RBM10: variants seen among roughly 807,000 people sequenced by gnomAD.
RBM10 encodes RNA-binding protein 10.
Under a neutral mutation model 84.9 loss-of-function variants are expected in RBM10, and 1 was observed. That is an observed-to-expected ratio of 0.01 (90% CI 0.00 to 0.06). The LOEUF is 0.06. Ranked by LOEUF, RBM10 falls within the 10% of genes least tolerant of loss-of-function variation. The pLI, the probability that RBM10 is intolerant of heterozygous loss-of-function variation, is 1.00. For synonymous variants in RBM10, 326 were observed against 344.5 expected, an observed-to-expected ratio of 0.95 and a Z score of 0.60; for missense variants, 438 against 839.0, an observed-to-expected ratio of 0.52 and a Z score of 5.90.
intron 2 of RBM10, among the ~76,000 whole-genome samples, chrX:47,155,792 T>C (rs1261259188): frequency 9.5e-6 from 1 of 105,183 alleles, no homozygotes; most frequent in African/African-American, 3.5e-5. Context: ...CACTAGATTC[T>C]TTTTTTTTCT....
intron 8 of RBM10, 54 bp from the exon 9 acceptor site, chrX:47,179,264 AC>A: frequency 1.7e-6 from 2 of 1,184,574 alleles, no homozygotes; most frequent in Non-Finnish European, 2.3e-6. Flanking sequence ...GAGGAGGGTG[AC>A]CAGTCGTGGA....
At chrX:47,159,790 G>A (rs782640395) in intron 2 of RBM10, among the ~76,000 whole-genome samples, 4 of 111,669 alleles carry the variant, frequency 3.6e-5, no homozygotes, top group Admixed American at 1.9e-4. Context: ...GAATGAAACC[G>A]GACCCTTACC....
At chrX:47,162,958 G>A (rs1319102421) in intron 2 of RBM10, among the ~76,000 whole-genome samples, 1 of 109,224 alleles carries the variant, frequency 9.2e-6, no homozygotes, top group Admixed American at 9.9e-5. Context: ...GGTGATCATG[G>A]TTAACATCAC....
rs782166769 is a variant in RBM10, at chrX:47,175,044, C to T, written c.528C>T (p.Val176=). The T allele has an allele frequency of 8.3e-7, 1 of 1,210,932 alleles. No individual in the cohort carries two copies. The highest frequency in any genetic ancestry group is 1.1e-6 in the Non-Finnish European group (1 of 895,135). The change falls in exon 6 of 24, where the codon GTC becomes GTT. Residue 176 remains valine, a synonymous_variant. Coordinates refer to ENST00000377604, the MANE Select transcript of RBM10 (RefSeq NM_005676.5). The stretch of plus-strand genomic sequence containing the variant: ...GTCAGAGCCGGGGCTTCGCCTTCGT[C>T]GAGTTTAGTCACTTGCAGGACGCTA... ...SSGQSRGFAF[V]EFSHLQDATR... is the part of the protein sequence containing the mutation.
intron 6 of RBM10, 43 bp downstream of exon 6, chrX:47,175,135 T>C (rs2147151214): frequency 1.1e-6 from 1 of 932,575 alleles, no homozygotes. Flanking sequence ...CAAATACTAC[T>C]TTGTAATCGA....
intron 1 of RBM10, among the ~76,000 whole-genome samples, chrX:47,146,410 C>T (rs1294142430): frequency 9.0e-6 from 1 of 111,672 alleles, no homozygotes; most frequent in African/African-American, 3.3e-5. Context: ...TGTGTGTGCA[C>T]GAGCATAGAG....
At chrX:47,166,164 T>A (rs782145037) in intron 2 of RBM10, among the ~76,000 whole-genome samples, 1 of 112,323 alleles carries the variant, frequency 8.9e-6, no homozygotes, top group South Asian at 3.7e-4. Flanking sequence ...CTCAGCACTT[T>A]GGGAGGCTGA....
intron 16 of RBM10, 27 bp from the exon 17 acceptor site, chrX:47,182,135 A>C (rs1403093494): frequency 8.3e-7 from 1 of 1,209,210 alleles, no homozygotes; most frequent in East Asian, 3.0e-5. Flanking sequence ...CTTCCCTCAC[A>C]TCCCCTCTTC....
rs781963112 is a variant in RBM10, at chrX:47,182,296, G to A, written c.1920G>A (p.Lys640=). Residue 640 remains lysine, a synonymous_variant, in exon 17 of 24, where the codon AAG becomes AAA. Coordinates refer to ENST00000377604, the MANE Select transcript of RBM10 (RefSeq NM_005676.5). ...CCTCGAAGGAGGGCAAAGAGAAGAAGGAGAAGCACAAGACCAAGACAGCTC... is the reference window on the plus strand; with the variant it reads ...CCTCGAAGGAGGGCAAAGAGAAGAAAGAGAAGCACAAGACCAAGACAGCTC... ...GAPSKEGKEK[K]EKHKTKTAQQ... is the part of the protein sequence containing the mutation. The A allele has an allele frequency of 5.8e-6, 7 of 1,208,226 alleles. No homozygotes were observed. Among genetic ancestry groups the A allele is most frequent in the Non-Finnish European group, 5.6e-6 (5 of 893,926 alleles).
Position 47,179,382 on chromosome X carries a change from G to C in RBM10, c.788G>C (p.Arg263Pro), listed in dbSNP as rs1556777817. 1 of 1,201,119 alleles carries C rather than the reference G, an allele frequency of 8.3e-7. No homozygotes were observed. Among genetic ancestry groups the C allele is most frequent in the Non-Finnish European group, 1.1e-6 (1 of 891,883 alleles). The change falls in exon 9 of 24, where the codon CGG (arginine) becomes CCG (proline). Residue 263 changes from arginine to proline, a missense_variant. Physicochemically the swap from Arg to Pro is moderately radical, Grantham distance 103 (BLOSUM62 -2). Coordinates refer to ENST00000377604, the MANE Select transcript of RBM10 (RefSeq NM_005676.5). ...LDQQTLPLGG[R>P]ELSQGLLPLP... is the part of the protein sequence containing the mutation. Reference sequence around the variant, plus strand: ...CAGCAGACACTGCCACTGGGTGGCCGGGAGCTGAGCCAGGGCCTGCTTCCC... The same window carrying C: ...CAGCAGACACTGCCACTGGGTGGCCCGGAGCTGAGCCAGGGCCTGCTTCCC...
chrX:47,153,849 G>C (rs1367980956), intron 2 of RBM10, among the ~76,000 whole-genome samples: 1 of 111,198 alleles, frequency 9.0e-6, no homozygotes, highest in Non-Finnish European at 1.9e-5. Context: ...CTTGAACCCA[G>C]GAATTCGAGA....
chrX:47,163,575 C>T (rs1409280031), intron 2 of RBM10, among the ~76,000 whole-genome samples: 1 of 111,953 alleles, frequency 8.9e-6, no homozygotes, highest in African/African-American at 3.2e-5. Flanking sequence ...CCGTCTTGGC[C>T]TCCCAAAGTG....
chrX:47,149,818 T>A (rs781904394), intron 2 of RBM10, among the ~76,000 whole-genome samples: 462 of 87,535 alleles, frequency 5.3e-3, no homozygotes, highest in Middle Eastern at 0.017. Flanking sequence ...GCTAGCATCA[T>A]TTTTTTTTTT....
At chrX:47,175,157 C>A in intron 6 of RBM10, 65 bp downstream of exon 6, 1 of 848,182 alleles carries the variant, frequency 1.2e-6, no homozygotes, top group Non-Finnish European at 1.7e-6. Flanking sequence ...CGCTCCCCAT[C>A]GCCTGATTCT....
intron 17 of RBM10, 119 bp from the exon 18 acceptor site, chrX:47,184,936 C>T: frequency 1.0e-5 from 9 of 876,578 alleles, no homozygotes; most frequent in Admixed American, 8.0e-5. Flanking sequence ...TGCAGTGGTT[C>T]GGACTAGGGA....
rs2147225790 is a variant in RBM10, at chrX:47,186,292, A to G, written c.2572A>G (p.Ser858Gly). ...GCAGCCTACTCGGGACGGGCTGGGCAGTGACAACATTGGCAGTCGGATGCT... is the reference window on the plus strand; with the variant it reads ...GCAGCCTACTCGGGACGGGCTGGGCGGTGACAACATTGGCAGTCGGATGCT... Reference protein sequence around the residue: ...FEQPTRDGLGSDNIGSRMLQA... With the variant: ...FEQPTRDGLGGDNIGSRMLQA... Residue 858 changes from serine to glycine, a missense_variant, in exon 23 of 24, where the codon AGT becomes GGT. Coordinates refer to ENST00000377604, the MANE Select transcript of RBM10 (RefSeq NM_005676.5). 1 of 1,208,324 alleles carries G rather than the reference A, an allele frequency of 8.3e-7. No individual in the cohort carries two copies. Among genetic ancestry groups the G allele is most frequent in the East Asian group, 3.0e-5 (1 of 33,640 alleles).
chrX:47,158,653 C>T (rs782312927), intron 2 of RBM10, among the ~76,000 whole-genome samples: 1 of 111,871 alleles, frequency 8.9e-6, no homozygotes, highest in Non-Finnish European at 1.9e-5. Context: ...CTGCCCCCCT[C>T]GGCCTCCCAA....
chrX:47,162,887 T>C (rs781954542), intron 2 of RBM10, among the ~76,000 whole-genome samples: 2 of 105,126 alleles, frequency 1.9e-5, no homozygotes, highest in Admixed American at 1.0e-4. Context: ...AAAAATAGAG[T>C]ATGGAGAGAG....
intron 2 of RBM10, among the ~76,000 whole-genome samples, chrX:47,159,587 G>C (rs782395735): frequency 3.1e-4 from 34 of 111,259 alleles, no homozygotes; most frequent in African/African-American, 1.1e-3. Flanking sequence ...ATACTGTAAG[G>C]CTACAGTAAT....
Sources: allele counts gnomAD v4.1 joint callset (sites outside exome capture counted in the v4.1 genomes callset), GRCh38; gene constraint gnomAD v4.1.1; transcripts MANE v1.5; gene names NCBI Gene and HGNC (gene_info 2026-07-23, HGNC 2026-07-21).